Variants in SLIT3 observed in about 807,000 individuals in gnomAD.
The protein encoded by SLIT3 is slit guidance ligand 3.
Under a neutral mutation model 184.0 loss-of-function variants are expected in SLIT3, and 68 were observed. That is an observed-to-expected ratio of 0.37 (90% confidence interval 0.30 to 0.45). The LOEUF (loss-of-function observed/expected upper bound fraction) is 0.45. SLIT3 is among the 20% of genes least tolerant of loss of function. The pLI is 1.00. For synonymous variants in SLIT3, 831 were observed against 828.6 expected (o/e 1.00, Z -0.05); for missense variants, 1,707 against 2,026.0 (o/e 0.84, Z 3.02).
chr5:168,929,094 T>G (rs1426451739), intron 4 of SLIT3, among the ~76,000 whole-genome samples: 2 of 152,190 alleles, frequency 1.3e-5, no homozygotes, highest in African/African-American at 4.8e-5. Flanking sequence ...ACAACAACCC[T>G]GAATTAGGCA....
chr5:169,115,024 C>T (rs1219792203), intron 4 of SLIT3, among the ~76,000 whole-genome samples: 1 of 152,162 alleles, frequency 6.6e-6, no homozygotes, highest in African/African-American at 2.4e-5. Context: ...AGAGAATGTA[C>T]ATATTTCCAG....
rs79116939 is a variant in SLIT3 at position 168,839,039 on chromosome 5, A to G, written c.557+5545T>C. The stretch of plus-strand genomic sequence containing the variant: ...TTTCACCCTCATAGGCATAAAACCA[A>G]TTACAACTGCTGTAACATCAAAGGC... On this transcript the variant is annotated intron_variant, in intron 6 of 35. Coordinates refer to ENST00000519560, the MANE Select transcript of SLIT3 (RefSeq NM_003062.4). Among the ~76,000 whole-genome samples the G allele has an allele frequency of 5.6e-3, 855 of 152,262 alleles. 7 individuals are homozygous for G. Among genetic ancestry groups the G allele is most frequent in the African/African-American group, 0.02 (814 of 41,546 alleles).
intron 23 of SLIT3, among the ~76,000 whole-genome samples, chr5:168,716,964 T>C (rs1456974487): frequency 7.1e-6 from 1 of 140,560 alleles, no homozygotes; most frequent in East Asian, 2.0e-4. Flanking sequence ...AGAAGCCACA[T>C]TGCAGCCACA....
At chr5:168,924,029 T>A (rs1378204526) in intron 4 of SLIT3, among the ~76,000 whole-genome samples, 1 of 152,226 alleles carries the variant, frequency 6.6e-6, no homozygotes, top group Non-Finnish European at 1.5e-5. Context: ...CCTAAAATAA[T>A]ATCTGGTCCT....
intron 4 of SLIT3, among the ~76,000 whole-genome samples, chr5:169,063,648 T>A (rs935160453): frequency 6.6e-6 from 1 of 152,218 alleles, no homozygotes; most frequent in Non-Finnish European, 1.5e-5. Flanking sequence ...GAAAGTTTTA[T>A]GTGTGTGATG....
At chr5:168,722,503 T>C (rs937964055) in intron 22 of SLIT3, among the ~76,000 whole-genome samples, 176 bp from the exon 23 acceptor site, 1 of 152,230 alleles carries the variant, frequency 6.6e-6, no homozygotes, top group South Asian at 2.1e-4. Flanking sequence ...CGCACTGGCT[T>C]TATTTCCTCA....
intron 16 of SLIT3, among the ~76,000 whole-genome samples, chr5:168,755,389 A>ATTTCTTTCTTTCTC (rs1754860244): frequency 7.5e-6 from 1 of 133,640 alleles, no homozygotes; most frequent in African/African-American, 2.6e-5. Context: ...CAGTGCCGCC[A>ATTTCTTTCTTTCTC]TTTCTTTCTT....
At chr5:168,881,581 C>G (rs879841868) in intron 5 of SLIT3, among the ~76,000 whole-genome samples, 4 of 152,156 alleles carry the variant, frequency 2.6e-5, no homozygotes, top group Non-Finnish European at 5.9e-5. Flanking sequence ...GTCACTGCCC[C>G]TCTCTGGGCC....
At chr5:168,883,698 C>T (rs961448904) in intron 4 of SLIT3, among the ~76,000 whole-genome samples, 4 of 149,802 alleles carry the variant, frequency 2.7e-5, no homozygotes, top group Admixed American at 2.0e-4. Context: ...AACCCCCACA[C>T]GGCATTCCTC....
chr5:168,823,892 T>C (rs1296550724), intron 6 of SLIT3, among the ~76,000 whole-genome samples: 1 of 152,196 alleles, frequency 6.6e-6, no homozygotes, highest in Non-Finnish European at 1.5e-5. Context: ...TCGCACAGGA[T>C]GCTGTGGGGA....
chr5:168,992,315 G>A (rs1416864456), intron 4 of SLIT3, among the ~76,000 whole-genome samples: 1 of 152,232 alleles, frequency 6.6e-6, no homozygotes, highest in African/African-American at 2.4e-5. Flanking sequence ...TATGAATGGG[G>A]AGTGAGGAGC....
intron 4 of SLIT3, among the ~76,000 whole-genome samples, chr5:168,888,257 C>A (rs1760298469): frequency 6.6e-6 from 1 of 152,228 alleles, no homozygotes; most frequent in Admixed American, 6.5e-5. Flanking sequence ...TGGGCTTCTG[C>A]AGCCCTGCAT....
At chr5:169,217,065 C>T (rs538446739) in intron 3 of SLIT3, among the ~76,000 whole-genome samples, 2 of 150,424 alleles carry the variant, frequency 1.3e-5, no homozygotes, top group South Asian at 4.2e-4. Flanking sequence ...ATTTATTCCT[C>T]ACTAAAATAA....
At chr5:169,150,496 C>T (rs1168677257) in intron 4 of SLIT3, among the ~76,000 whole-genome samples, 1 of 150,410 alleles carries the variant, frequency 6.6e-6, no homozygotes, top group African/African-American at 2.5e-5. Context: ...AATTTCCCAT[C>T]CCATTCTATT....
chr5:169,039,248 A>G (rs1161655490), intron 4 of SLIT3, among the ~76,000 whole-genome samples: 1 of 151,946 alleles, frequency 6.6e-6, no homozygotes, highest in Admixed American at 6.6e-5. Flanking sequence ...GCATTTAAAG[A>G]GAGAGAAGGC....
rs909114082 is a variant in SLIT3, at chr5:169,128,274, T to TTATA, written c.413+65201_413+65204dup. 2.0e-5 allele frequency among the ~76,000 whole-genome samples: 3 copies of TTATA among 146,580 alleles called. No individual in the cohort carries two copies. In the South Asian group the frequency reaches 6.4e-4, roughly 31 times the overall value. ...TTTATATATATATACATATATATAT[T>TTATA]TATATATATATATATAATTTATATG... is the stretch of plus-strand genomic sequence containing the variant. On this transcript the variant is annotated intron_variant, in intron 4 of 35. Transcript: ENST00000519560.
intron 4 of SLIT3, among the ~76,000 whole-genome samples, chr5:169,019,239 C>T (rs1227505401): frequency 6.6e-6 from 1 of 152,170 alleles, no homozygotes; most frequent in Non-Finnish European, 1.5e-5. Context: ...TGGGGGTCGA[C>T]CTTTGCAGAG....
rs1403818650 is a variant in SLIT3 at position 168,664,538 on chromosome 5, C to T, written c.*1916G>A. 1 of 152,226 alleles carries T rather than the reference C, an allele frequency of 6.6e-6. No homozygotes were observed. The allele number at this position is 152,226 out of a possible 1,614,324, so 9.4% of individuals were successfully genotyped here. A position where few individuals can be genotyped will look rare whatever the true frequency, so the allele number is the denominator to read the frequency against. On this transcript the variant is annotated 3_prime_UTR_variant, in exon 36 of 36. Transcript: ENST00000519560. ...TTTCCTTCCTTCCTTCTTCCAGTTGCCTCGTTTTCCTCCATCTTCCTTTCT... is the reference window on the plus strand; with the variant it reads ...TTTCCTTCCTTCCTTCTTCCAGTTGTCTCGTTTTCCTCCATCTTCCTTTCT...
At chr5:168,790,888 G>T (rs1360809748) in intron 10 of SLIT3, 6 of 152,178 alleles carry the variant, frequency 3.9e-5, no homozygotes, top group Non-Finnish European at 8.8e-5. Context: ...CTTTGCTGAG[G>T]CCTCTACTTC....
Sources: allele counts gnomAD v4.1 joint callset (sites outside exome capture counted in the v4.1 genomes callset), GRCh38; gene constraint gnomAD v4.1.1; transcripts MANE v1.5; gene names NCBI Gene and HGNC (gene_info 2026-07-23, HGNC 2026-07-21).